A2ML1: variants seen among roughly 807,000 people sequenced by gnomAD.
The protein encoded by A2ML1 is alpha-2-macroglobulin like 1, also known as alpha-2-macroglobulin-like protein 1.
In A2ML1, 161 loss-of-function variants were observed where a neutral mutation model predicts 181.9. The ratio of observed to expected loss-of-function variants is 0.89; its 90% confidence interval spans 0.78 to 1.01. The LOEUF (loss-of-function observed/expected upper bound fraction) is 1.01, where lower values mean the gene tolerates loss of function less well. A2ML1 is among the 50% of genes least tolerant of loss of function. The probability of loss-of-function intolerance (pLI) is 0.00; values close to 1 mark genes in which losing one functional copy is unlikely to be tolerated. For missense variants in A2ML1, 1,670 were observed against 1,768.1 expected (o/e 0.94, Z 1.00); for synonymous variants, 663 against 666.8 (o/e 0.99, Z 0.09).
At chr12:8,849,993 G>A (rs1012076476) in intron 17 of A2ML1, among the ~76,000 whole-genome samples, 167 bp from the exon 18 acceptor site, 1 of 152,102 alleles carries the variant, frequency 6.6e-6, no homozygotes, top group South Asian at 2.1e-4. Context: ...CACTTCCCTC[G>A]ATGGCCTTTG....
intron 7 of A2ML1, among the ~76,000 whole-genome samples, chr12:8,882,759 C>G (rs1944883081): frequency 6.6e-6 from 1 of 152,136 alleles, no homozygotes; most frequent in Non-Finnish European, 1.5e-5. Flanking sequence ...CCCAGAAGTT[C>G]AAGACCAGCC....
intron 26 of A2ML1, among the ~76,000 whole-genome samples, chr12:8,858,484 G>A (rs1944148884): frequency 6.6e-6 from 1 of 152,110 alleles, no homozygotes; most frequent in Non-Finnish European, 1.5e-5. Context: ...TACTTGGGTG[G>A]TTGAGGTTGG....
chr12:8,857,829 T>C (rs1944122158), intron 25 of A2ML1, 117 bp from the exon 26 acceptor site: 3 of 1,403,732 alleles, frequency 2.1e-6, no homozygotes, highest in Non-Finnish European at 2.9e-6. Flanking sequence ...AGGCCTGCTA[T>C]GGCATATGTT....
chr12:8,855,226 A>T (rs746590920), intron 22 of A2ML1, among the ~76,000 whole-genome samples: 1 of 152,204 alleles, frequency 6.6e-6, no homozygotes, highest in African/African-American at 2.4e-5. Flanking sequence ...GGAGGAATGC[A>T]TAGTACCAGA....
intron 7 of A2ML1, among the ~76,000 whole-genome samples, chr12:8,884,268 T>G (rs1447360691): frequency 6.6e-6 from 1 of 151,400 alleles, no homozygotes; most frequent in Non-Finnish European, 1.5e-5. Flanking sequence ...CTATTTTCCT[T>G]TTTTTTAACT....
intron 12 of A2ML1, 89 bp downstream of exon 12, chr12:8,843,450 G>GC: frequency 8.2e-7 from 1 of 1,212,538 alleles, no homozygotes; most frequent in Non-Finnish European, 1.1e-6. Context: ...TAGGCTATCT[G>GC]AATTGCAGAT....
In A2ML1 at chr12:8,876,411, C is replaced by A. The variant is rs912448070; in HGVS notation, c.*355C>A. On this transcript the variant is annotated 3_prime_UTR_variant, in exon 36 of 36. Coordinates refer to ENST00000299698, the MANE Select transcript of A2ML1 (RefSeq NM_144670.6). The stretch of plus-strand genomic sequence containing the variant: ...TTCCTAGGCCGGATGCGGTGGCTCA[C>A]GCCTGTAATCCCAGCACTTTGGGAT... 1.3e-5 allele frequency: 2 copies of A among 152,238 alleles called. No homozygotes were observed. Among genetic ancestry groups the A allele is most frequent in the Non-Finnish European group, 2.9e-5 (2 of 68,090 alleles). The allele number at this position is 152,238 out of a possible 1,614,324, so 9.4% of individuals were successfully genotyped here. A position where few individuals can be genotyped will look rare whatever the true frequency, so the allele number is the denominator to read the frequency against.
At position 8,823,187 on chromosome 12, in the gene A2ML1, A is replaced by T; in HGVS notation, c.68A>T (p.Tyr23Phe). 6.2e-7 allele frequency: 1 copy of T among 1,613,278 alleles called. No individual in the cohort carries two copies. Among genetic ancestry groups the T allele is most frequent in the Admixed American group, 1.7e-5 (1 of 59,798 alleles). ...TCCTTCTGCTCCTTTAATAGAAACTACCTGGTGACATTACCAGCCCGGCTA... is the reference window on the plus strand; with the variant it reads ...TCCTTCTGCTCCTTTAATAGAAACTTCCTGGTGACATTACCAGCCCGGCTA... ...SPAIAEELPN[Y>F]LVTLPARLNF... is the part of the protein sequence containing the mutation. The change falls in exon 2 of 36, where the codon TAC becomes TTC. Residue 23 changes from tyrosine to phenylalanine, a missense_variant. Transcript: ENST00000299698.
At position 8,858,055 on chromosome 12, in the gene A2ML1, A is replaced by G; in HGVS notation, c.3217A>G (p.Ser1073Gly). Residue 1073 changes from serine to glycine, a missense_variant, in exon 26 of 36, where the codon AGT (serine) becomes GGT (glycine). Transcript: ENST00000299698. ...GTGGATGGCAGGAAACCAGCTCCCC[A>G]GTGGCTGCTATGCCAACGTGGGAAA... ...LKWMAGNQLP[S>G]GCYANVGNLL... 1.2e-6 allele frequency: 2 copies of G among 1,614,166 alleles called. No individual in the cohort carries two copies. The highest frequency in any genetic ancestry group is 1.1e-5 in the South Asian group (1 of 91,080).
chr12:8,855,497 T>A lies in A2ML1; in HGVS notation c.2765-12T>A. 6.2e-7 allele frequency: 1 copy of A among 1,613,814 alleles called. No individual in the cohort carries two copies. The highest frequency in any genetic ancestry group is 8.5e-7 in the Non-Finnish European group (1 of 1,179,804). ...TCTTCTATTGTGTCACCTTTTTTTC[T>A]GCATCTCACAGGAAAGGTGGCATCT... On this transcript the variant is annotated splice_polypyrimidine_tract_variant and intron_variant, in intron 22 of 35. Transcript: ENST00000299698.
chr12:8,845,675 G>A (rs938879187), intron 13 of A2ML1, among the ~76,000 whole-genome samples, 173 bp downstream of exon 13: 4 of 151,564 alleles, frequency 2.6e-5, no homozygotes, highest in African/African-American at 7.3e-5. Context: ...GTGAAACCCC[G>A]TCTCTACTAA....
In A2ML1 at chr12:8,868,457, C is replaced by CGTGTGTGTGTGT. The variant is rs3079166; in HGVS notation, c.4062-73_4062-62dup. The CGTGTGTGTGTGT allele has an allele frequency of 1.2e-5, 18 of 1,443,330 alleles. No individual in the cohort carries two copies. The African/African-American group carries it at 1.7e-4, about 13-fold the overall frequency. 89.4% of individuals were successfully genotyped at this position (1,443,330 alleles called of 1,614,324 possible). ...GTGTGTCTGTGTATGTGTGTGTGTACGTGTGTGTGTGTGTGTGTTGGGGAT... is the reference window on the plus strand; with the variant it reads ...GTGTGTCTGTGTATGTGTGTGTGTACGTGTGTGTGTGTGTGTGTGTGTGTGTGTGTTGGGGAT... On this transcript the variant is annotated intron_variant, in intron 31 of 35. Transcript: ENST00000299698.
Position 8,823,740 on chromosome 12 carries a change from C to G in A2ML1, c.267C>G (p.Gly89=), listed in dbSNP as rs916734937. The G allele has an allele frequency of 1.2e-6, 2 of 1,613,838 alleles. No homozygotes were observed. The highest frequency in any genetic ancestry group is 2.7e-5 in the African/African-American group (2 of 75,000). Residue 89 remains glycine, a synonymous_variant, in exon 3 of 36, where the codon GGC becomes GGG. Transcript: ENST00000299698. ...GTCAGGTACCACCTCCTGCTGGTGG[C>G]ACAGAAGAAGTGGCCACAATCCGGG... ...ISFLVPPPAG[G]TEEVATIRVS... is the part of the protein sequence containing the mutation.
intron 9 of A2ML1, 107 bp downstream of exon 9, chr12:8,838,557 A>G: frequency 1.3e-6 from 1 of 740,976 alleles, no homozygotes; most frequent in Non-Finnish European, 2.2e-6. Flanking sequence ...GAGTGTTTGG[A>G]TGGTACCTTG....
chr12:8,845,267 G>A (rs1417852167), intron 12 of A2ML1, 175 bp from the exon 13 acceptor site: 21 of 1,479,280 alleles, frequency 1.4e-5, no homozygotes, highest in Admixed American at 1.4e-4. Context: ...ACCAGGACCC[G>A]TTGGCAGCAT....
chr12:8,825,060 G>A (rs942853226), intron 3 of A2ML1, among the ~76,000 whole-genome samples: 6 of 152,158 alleles, frequency 3.9e-5, no homozygotes, highest in Non-Finnish European at 8.8e-5. Context: ...AAACATGGCA[G>A]CACAGATAGT....
chr12:8,843,516 G>A (rs1943562076), intron 12 of A2ML1, among the ~76,000 whole-genome samples, 155 bp downstream of exon 12: 1 of 151,986 alleles, frequency 6.6e-6, no homozygotes, highest in Non-Finnish European at 1.5e-5. Flanking sequence ...AAGAACAGTT[G>A]ACATTAATTT....
intron 34 of A2ML1, 93 bp from the exon 35 acceptor site, chr12:8,874,878 T>C: frequency 8.2e-7 from 1 of 1,226,184 alleles, no homozygotes; most frequent in Admixed American, 1.9e-5. Context: ...AGAGATTCTC[T>C]GGAAGGGGCT....
At chr12:8,830,070 G>A (rs1943062231) in intron 4 of A2ML1, among the ~76,000 whole-genome samples, 1 of 152,046 alleles carries the variant, frequency 6.6e-6, no homozygotes, top group Non-Finnish European at 1.5e-5. Context: ...TGTTTATTTA[G>A]AGACAGAGTC....
Sources: gnomAD v4.1 joint callset for allele counts (sites outside exome capture counted in the v4.1 genomes callset) on GRCh38, gnomAD v4.1.1 for gene constraint, MANE v1.5 for transcripts, NCBI Gene and HGNC (gene_info 2026-07-23, HGNC 2026-07-21) for gene names.